The following SPATS2L variants were observed in gnomAD, a reference collection of about 807,000 sequenced individuals.
SPATS2L encodes spermatogenesis associated serine rich 2 like.
In SPATS2L, 30 loss-of-function variants were observed where a neutral mutation model predicts 59.6. The observed-to-expected ratio is 0.50, with a 90% CI of 0.38 to 0.68. SPATS2L has a LOEUF of 0.68. Ranked by LOEUF, SPATS2L falls within the 30% of genes least tolerant of loss-of-function variation. The pLI is 0.00. For synonymous variants in SPATS2L, 252 were observed against 263.5 expected (o/e 0.96, Z 0.42); for missense variants, 615 against 700.0 (o/e 0.88, Z 1.37).
intron 8 of SPATS2L, among the ~76,000 whole-genome samples, chr2:200,446,038 C>T (rs1313120536): frequency 1.3e-5 from 2 of 152,120 alleles, no homozygotes; most frequent in Admixed American, 6.5e-5. Flanking sequence ...CTGATTGTAC[C>T]ACGCTTTTAA....
At chr2:200,315,693 G>A (rs2079348077) in intron 1 of SPATS2L, among the ~76,000 whole-genome samples, 2 of 152,112 alleles carry the variant, frequency 1.3e-5, no homozygotes, top group Admixed American at 1.3e-4. Context: ...AGTTAGTTAT[G>A]CCTTAAGACA....
intron 3 of SPATS2L, among the ~76,000 whole-genome samples, chr2:200,396,062 A>ATATATATATATATATATATG (rs1559095855): frequency 1.2e-5 from 1 of 84,846 alleles, no homozygotes; most frequent in African/African-American, 3.8e-5. Context: ...ATATATATAT[A>ATATATATATATATATATATG]TATATTTTCC....
intron 2 of SPATS2L, among the ~76,000 whole-genome samples, chr2:200,338,125 C>G (rs925717910): frequency 6.6e-6 from 1 of 152,160 alleles, no homozygotes; most frequent in Non-Finnish European, 1.5e-5. Flanking sequence ...CCTGGGCTCA[C>G]GTGATCCTCC....
intron 1 of SPATS2L, among the ~76,000 whole-genome samples, chr2:200,326,126 G>A (rs1335854481): frequency 6.6e-6 from 1 of 152,192 alleles, no homozygotes; most frequent in African/African-American, 2.4e-5. Flanking sequence ...TCTGATTCCA[G>A]AGCCTTTTCA....
chr2:200,398,919 T>C (rs2082435068), intron 3 of SPATS2L, among the ~76,000 whole-genome samples: 1 of 152,198 alleles, frequency 6.6e-6, no homozygotes, highest in Non-Finnish European at 1.5e-5. Flanking sequence ...AAGGTCCATG[T>C]GTGGTTCACT....
chr2:200,434,274 G>A (rs1255557807), intron 6 of SPATS2L, among the ~76,000 whole-genome samples: 1 of 152,002 alleles, frequency 6.6e-6, no homozygotes, highest in African/African-American at 2.4e-5. Flanking sequence ...AATTTTTAGA[G>A]TCTAATAAAT....
chr2:200,434,702 T>C (rs999030725), intron 6 of SPATS2L, among the ~76,000 whole-genome samples: 2 of 152,072 alleles, frequency 1.3e-5, no homozygotes, highest in Non-Finnish European at 2.9e-5. Flanking sequence ...CAAATTAGAA[T>C]TGAAATAAAT....
At position 200,481,269 on chromosome 2, in the gene SPATS2L, A is replaced by C. The variant is rs934648536; in HGVS notation, c.*3238A>C. On this transcript the variant is annotated 3_prime_UTR_variant, in exon 13 of 13. Coordinates refer to ENST00000409140, the MANE Select transcript of SPATS2L (RefSeq NM_001100423.2). The stretch of plus-strand genomic sequence containing the variant: ...GCATCAGAAAAGGAGATTCTAATTA[A>C]ACATTCTTAGGGAAGGACATCAAAT... 2.6e-5 allele frequency: 4 copies of C among 152,250 alleles called. No homozygotes were observed. The highest frequency in any genetic ancestry group is 4.4e-5 in the Non-Finnish European group (3 of 68,032). 9.4% of individuals were successfully genotyped at this position (152,250 alleles called of 1,614,324 possible). A position where few individuals can be genotyped will look rare whatever the true frequency, so the allele number is the denominator to read the frequency against.
chr2:200,337,642 G>A lies in SPATS2L; in HGVS notation c.-23+8162G>A, dbSNP rs538374420. Among the ~76,000 whole-genome samples, 3 of 152,346 alleles carry A rather than the reference G, an allele frequency of 2.0e-5. No individual in the cohort carries two copies. In the South Asian group the frequency reaches 6.2e-4, roughly 32 times the overall value. On this transcript the variant is annotated intron_variant, in intron 2 of 12. Transcript: ENST00000409140. ...TTGAAGAGGGCTCTGACAGCTAGTT[G>A]AAAGGCATGTGTGGCTTACCTAGAG...
chr2:200,394,198 C>G (rs2082259340), intron 3 of SPATS2L, among the ~76,000 whole-genome samples: 1 of 152,140 alleles, frequency 6.6e-6, no homozygotes, highest in Non-Finnish European at 1.5e-5. Flanking sequence ...ACATACATCC[C>G]CTGCATGAGT....
At chr2:200,433,861 A>G (rs562947362) in intron 6 of SPATS2L, among the ~76,000 whole-genome samples, 17 of 152,232 alleles carry the variant, frequency 1.1e-4, no homozygotes, top group African/African-American at 3.6e-4. Context: ...GTGAATTCCC[A>G]TGAACATTTG....
intron 2 of SPATS2L, among the ~76,000 whole-genome samples, chr2:200,360,209 T>TCCAC (rs1285258631): frequency 6.6e-6 from 1 of 152,234 alleles, no homozygotes; most frequent in Non-Finnish European, 1.5e-5. Context: ...AGCTAACTGG[T>TCCAC]CCACCCAAGT....
rs2087750096 is a variant in SPATS2L at position 200,480,425 on chromosome 2, TAG to T, written c.*2395_*2396del. ...TGAGACAGGGTCTTGCTCTATCACC[TAG>T]GCTGGAGTGCATGATCATGGCTCAC... On this transcript the variant is annotated 3_prime_UTR_variant, in exon 13 of 13. Transcript: ENST00000409140. 7.0e-6 allele frequency: 1 copy of T among 142,816 alleles called. No individual in the cohort carries two copies. The highest frequency in any genetic ancestry group is 1.5e-5 in the Non-Finnish European group (1 of 65,714). 8.8% of individuals were successfully genotyped at this position (142,816 alleles called of 1,614,324 possible).
At chr2:200,379,180 G>C (rs1400079030) in intron 2 of SPATS2L, among the ~76,000 whole-genome samples, 1 of 152,088 alleles carries the variant, frequency 6.6e-6, no homozygotes, top group Non-Finnish European at 1.5e-5. Flanking sequence ...AAGCTCCTTT[G>C]GGGCCAAGAG....
intron 1 of SPATS2L, chr2:200,308,929 T>C (rs1042128960): frequency 2.3e-5 from 15 of 655,570 alleles, no homozygotes; most frequent in Non-Finnish European, 3.9e-5. Flanking sequence ...TTTTTCTGCA[T>C]GCACTGATTT....
intron 8 of SPATS2L, among the ~76,000 whole-genome samples, chr2:200,446,066 C>T (rs1056669122): frequency 1.3e-5 from 2 of 152,198 alleles, no homozygotes; most frequent in African/African-American, 2.4e-5. Flanking sequence ...AGGCCAGGCA[C>T]AGTGGCTCAC....
rs557433619 is a variant in SPATS2L at position 200,335,486 on chromosome 2, C to T, written c.-23+6006C>T. The stretch of plus-strand genomic sequence containing the variant: ...GTGCTGGCAATATTGTGTGCTTTGA[C>T]GGGGCTGGTAGTGACGTGGGCAAAA... On this transcript the variant is annotated intron_variant, in intron 2 of 12. Coordinates refer to ENST00000409140, the MANE Select transcript of SPATS2L (RefSeq NM_001100423.2). Among the ~76,000 whole-genome samples, 4 of 152,118 alleles carry T rather than the reference C, an allele frequency of 2.6e-5. No homozygotes were observed. The East Asian group carries it at 5.8e-4, about 22-fold the overall frequency.
chr2:200,314,175 C>T (rs2079284195), intron 1 of SPATS2L, among the ~76,000 whole-genome samples: 1 of 152,228 alleles, frequency 6.6e-6, no homozygotes. Flanking sequence ...TTCAAAACAT[C>T]ACTTCCCCAA....
At position 200,476,174 on chromosome 2, in the gene SPATS2L, C is replaced by T. The variant is rs553544847; in HGVS notation, c.1282-1462C>T. Among the ~76,000 whole-genome samples, 12 of 152,272 alleles carry T rather than the reference C, an allele frequency of 7.9e-5. No individual in the cohort carries two copies. The South Asian group carries it at 1.0e-3, about 13-fold the overall frequency. On this transcript the variant is annotated intron_variant, in intron 12 of 12. Transcript: ENST00000409140. ...TGCGTCCTTACTGCTCATCCATTTA[C>T]GTTCCTGGTCAGTGATGTGTTGAAG...
Sources: allele counts gnomAD v4.1 joint callset (sites outside exome capture counted in the v4.1 genomes callset), GRCh38; gene constraint gnomAD v4.1.1; transcripts MANE v1.5; gene names NCBI Gene and HGNC (gene_info 2026-07-23, HGNC 2026-07-21).